The following EPHA7 variants were observed in gnomAD, a reference collection of about 807,000 sequenced individuals.
EPHA7 encodes the protein EPH receptor A7.
EPHA7 carries 25 observed loss-of-function variants against 112.6 expected under a neutral mutation model. That is an observed-to-expected ratio of 0.22 (90% CI 0.16 to 0.31). EPHA7 has a LOEUF of 0.31. EPHA7 is among the 10% of genes least tolerant of loss of function. EPHA7 has a pLI of 1.00. For synonymous variants in EPHA7, 437 were observed against 406.5 expected (o/e 1.07, Z -0.90); for missense variants, 962 against 1,212.6 (o/e 0.79, Z 3.07).
At chr6:93,338,908 A>G (rs1373886942) in intron 5 of EPHA7, among the ~76,000 whole-genome samples, 2 of 150,094 alleles carry the variant, frequency 1.3e-5, no homozygotes, top group Non-Finnish European at 3.0e-5. Flanking sequence ...TCTCTATATT[A>G]TATATCTCTC....
rs150890358 is a variant in EPHA7 at position 93,364,307 on chromosome 6, T to C, written c.833-5896A>G. Among the ~76,000 whole-genome samples the C allele has an allele frequency of 8.2e-3, 1,252 of 152,218 alleles. 23 individuals are homozygous for C. The highest frequency in any genetic ancestry group is 0.028 in the African/African-American group (1,166 of 41,530). On this transcript the variant is annotated intron_variant, in intron 3 of 16. Transcript: ENST00000369303. ...GGGAGGCCAAGGCAGGTAGATCACC[T>C]GAGGTCAGGAGTTTGAGACCACCCT...
Position 93,246,889 on chromosome 6 carries a change from G to A in EPHA7, c.2629C>T (p.Arg877Cys), listed in dbSNP as rs777383467. Residue 877 changes from arginine to cysteine, a missense_variant, in exon 15 of 17, where the codon CGT (arginine) becomes TGT (cysteine). Transcript: ENST00000369303. Reference sequence around the variant, plus strand: ...TGTTCAAATTTTGGCCTTTCAGCACGCTCCTTTTGCCAACAATCCAACATT... The same window carrying A: ...TGTTCAAATTTTGGCCTTTCAGCACACTCCTTTTGCCAACAATCCAACATT... ...QLMLDCWQKE[R>C]AERPKFEQIV... 6 of 1,613,626 alleles carry A rather than the reference G, an allele frequency of 3.7e-6. No homozygotes were observed. Among genetic ancestry groups the A allele is most frequent in the African/African-American group, 1.3e-5 (1 of 74,882 alleles).
chr6:93,397,238 A>G (rs1284089968), intron 3 of EPHA7, among the ~76,000 whole-genome samples: 5 of 151,794 alleles, frequency 3.3e-5, no homozygotes, highest in African/African-American at 1.2e-4. Flanking sequence ...ATGATGCTCA[A>G]TTTTTATTCT....
chr6:93,405,566 C>T (rs1233909796), intron 3 of EPHA7, among the ~76,000 whole-genome samples: 4 of 151,378 alleles, frequency 2.6e-5, no homozygotes, highest in Non-Finnish European at 5.9e-5. Flanking sequence ...CTATGTCCCA[C>T]ATGCTATTTT....
rs983485848 is a variant in EPHA7, at chr6:93,257,475, T to C, written c.2159A>G (p.Asp720Gly). ...TTTGGTACTTACCCTGAGAAATGCA[T>C]CTAGGGCTCCATTTTCCATGAACTC... ...VIEFMENGAL[D>G]AFLRKHDGQF... The change falls in exon 12 of 17, where the codon GAT becomes GGT. Residue 720 changes from aspartate to glycine, a missense_variant. Physicochemically the swap from Asp to Gly is moderately conservative, Grantham distance 94. Around this residue, in one of 3 missense-constraint regions of EPHA7, gnomAD observed 746 missense variants for 889.2 expected, o/e 0.84. Coordinates refer to ENST00000369303, the MANE Select transcript of EPHA7 (RefSeq NM_004440.4). 2 of 1,610,892 alleles carry C rather than the reference T, an allele frequency of 1.2e-6. No homozygotes were observed. Among genetic ancestry groups the C allele is most frequent in the African/African-American group, 2.7e-5 (2 of 74,744 alleles).
At chr6:93,339,726 A>T (rs1363858960) in intron 5 of EPHA7, among the ~76,000 whole-genome samples, 1 of 151,806 alleles carries the variant, frequency 6.6e-6, no homozygotes, top group Non-Finnish European at 1.5e-5. Context: ...TGGGCTCGAT[A>T]TATTTATTGA....
intron 1 of EPHA7, among the ~76,000 whole-genome samples, chr6:93,415,702 T>G (rs1779188246): frequency 6.6e-6 from 1 of 152,128 alleles, no homozygotes; most frequent in East Asian, 1.9e-4. Flanking sequence ...TTTATCTGAC[T>G]CTACACCATT....
intron 3 of EPHA7, among the ~76,000 whole-genome samples, chr6:93,368,857 T>C (rs1210913464): frequency 7.2e-5 from 11 of 152,104 alleles, no homozygotes. Flanking sequence ...TTATAAAATG[T>C]GGATCAATAC....
At chr6:93,419,046 T>A (rs1779393902) in intron 1 of EPHA7, among the ~76,000 whole-genome samples, 199 bp downstream of exon 1, 1 of 152,096 alleles carries the variant, frequency 6.6e-6, no homozygotes, top group Non-Finnish European at 1.5e-5. Flanking sequence ...GGCACAGGGC[T>A]GTAGGCGGCT....
At chr6:93,320,538 C>G (rs1774017479) in intron 5 of EPHA7, among the ~76,000 whole-genome samples, 1 of 151,856 alleles carries the variant, frequency 6.6e-6, no homozygotes, top group Non-Finnish European at 1.5e-5. Context: ...TTCATATTTA[C>G]TAAATTTACT....
intron 3 of EPHA7, among the ~76,000 whole-genome samples, chr6:93,383,604 A>G (rs975949768): frequency 1.3e-5 from 2 of 152,204 alleles, no homozygotes; most frequent in Non-Finnish European, 2.9e-5. Flanking sequence ...TATTTGTCAT[A>G]AAAATGTAAA....
rs1289923558 is a variant in EPHA7 at position 93,414,742 on chromosome 6, T to A, written c.123A>T (p.Gln41His). The A allele has an allele frequency of 6.2e-7, 1 of 1,612,704 alleles. No individual in the cohort carries two copies. The highest frequency in any genetic ancestry group is 1.7e-5 in the Admixed American group (1 of 59,974). The change falls in exon 2 of 17, where the codon CAA (glutamine) becomes CAT (histidine). Residue 41 changes from glutamine (Q) to histidine (H), a missense_variant. Coordinates refer to ENST00000369303, the MANE Select transcript of EPHA7 (RefSeq NM_004440.4). ...KEVLLLDSKA[Q>H]QTELEWISSP... Reference sequence around the variant, plus strand: ...AGGAAATCCACTCCAACTCTGTTTGTTGTGCTTTAGAATCCAGCAGTAGTA... The same window carrying A: ...AGGAAATCCACTCCAACTCTGTTTGATGTGCTTTAGAATCCAGCAGTAGTA...
intron 14 of EPHA7, among the ~76,000 whole-genome samples, chr6:93,247,645 AG>A (rs1228861435): frequency 6.6e-5 from 10 of 151,730 alleles, no homozygotes. Flanking sequence ...AAATAGGGAA[AG>A]GGTACAAATC....
intron 5 of EPHA7, among the ~76,000 whole-genome samples, chr6:93,310,912 G>A (rs1773499938): frequency 6.6e-6 from 1 of 151,984 alleles, no homozygotes; most frequent in Non-Finnish European, 1.5e-5. Flanking sequence ...AGTGATGTTT[G>A]CTGCATCAAT....
At chr6:93,374,386 G>A (rs1776949927) in intron 3 of EPHA7, among the ~76,000 whole-genome samples, 2 of 152,072 alleles carry the variant, frequency 1.3e-5, no homozygotes, top group Non-Finnish European at 2.9e-5. Flanking sequence ...CTCATGCTGA[G>A]TACATTATAC....
At position 93,410,639 on chromosome 6, in the gene EPHA7, C is replaced by T. The variant is rs2127994473; in HGVS notation, c.694G>A (p.Gly232Arg). 1 of 1,613,998 alleles carries T rather than the reference C, an allele frequency of 6.2e-7. No homozygotes were observed. The highest frequency in any genetic ancestry group is 8.5e-7 in the Non-Finnish European group (1 of 1,179,960). ...SEFSSLVEVR[G>R]TCVSSAEEEA... ...TCCTCTGCACTGCTGACACATGTCCCTCGAACCTCGACTAAAGAGGAAAAT... is the reference window on the plus strand; with the variant it reads ...TCCTCTGCACTGCTGACACATGTCCTTCGAACCTCGACTAAAGAGGAAAAT... The change falls in exon 3 of 17, where the codon GGG becomes AGG. Residue 232 changes from glycine (G) to arginine (R), a missense_variant. By Grantham distance (125) the Gly-to-Arg change is moderately radical (BLOSUM62 -2). This residue lies in a region of EPHA7 where 160 missense variants were observed against 263.6 expected (regional missense o/e 0.61). Transcript: ENST00000369303. This position sits in a 1 kb window ranked among gnomAD's most constrained non-coding sequence, Gnocchi z 4.0.
chr6:93,278,937 T>C (rs568598770), intron 5 of EPHA7, among the ~76,000 whole-genome samples: 1 of 152,146 alleles, frequency 6.6e-6, no homozygotes, highest in South Asian at 2.1e-4. Context: ...TGAGAATCCA[T>C]GATGTGCCAG....
At chr6:93,246,589 A>G (rs1769961869) in intron 15 of EPHA7, among the ~76,000 whole-genome samples, 1 of 152,212 alleles carries the variant, frequency 6.6e-6, no homozygotes, top group South Asian at 2.1e-4. Flanking sequence ...AAAATGCAAT[A>G]ACTAATAGAT....
chr6:93,331,666 A>G (rs962322785), intron 5 of EPHA7, among the ~76,000 whole-genome samples: 4 of 151,648 alleles, frequency 2.6e-5, no homozygotes, highest in African/African-American at 7.2e-5. Context: ...TGAAATATAC[A>G]AACAATTGAG....
Sources: gnomAD v4.1 joint callset for allele counts (sites outside exome capture counted in the v4.1 genomes callset) on GRCh38, gnomAD v4.1.1 for gene constraint, gnomAD v4.1.1 regional missense constraint, Gnocchi (gnomAD v3.1) non-coding constraint, MANE v1.5 for transcripts, NCBI Gene and HGNC (gene_info 2026-07-23, HGNC 2026-07-21) for gene names.